Variants in ADK observed in about 807,000 individuals in gnomAD.
The protein encoded by ADK is adenosine kinase.
A neutral mutation model predicts 44.7 loss-of-function variants in ADK; 24 were observed. The ratio of observed to expected loss-of-function variants is 0.54; its 90% confidence interval spans 0.39 to 0.76. The LOEUF (loss-of-function observed/expected upper bound fraction) is 0.76. Among genes scored for constraint, ADK ranks in the 30% least tolerant of loss-of-function variants. The pLI is 0.00. For synonymous variants in ADK, 128 were observed against 142.6 expected (o/e 0.90, Z 0.73); for missense variants, 321 against 425.1 (o/e 0.76, Z 2.15).
intron 7 of ADK, among the ~76,000 whole-genome samples, chr10:74,550,528 C>T (rs912557781): frequency 2.0e-5 from 3 of 152,118 alleles, no homozygotes; most frequent in African/African-American, 7.2e-5. Flanking sequence ...CTGGTTTTGC[C>T]TCTCCCCTCC....
chr10:74,539,174 A>G (rs1387188760), intron 7 of ADK, among the ~76,000 whole-genome samples: 2 of 151,458 alleles, frequency 1.3e-5, no homozygotes, highest in Non-Finnish European at 2.9e-5. Context: ...AATTTTGTCA[A>G]GTCTAGTTCT....
At chr10:74,319,898 C>T (rs770482602) in intron 4 of ADK, among the ~76,000 whole-genome samples, 2 of 152,126 alleles carry the variant, frequency 1.3e-5, no homozygotes, top group Non-Finnish European at 2.9e-5. Context: ...TTATTACGCT[C>T]ATTGATTACG....
At chr10:74,565,301 C>A (rs1468833374) in intron 7 of ADK, among the ~76,000 whole-genome samples, 1 of 152,116 alleles carries the variant, frequency 6.6e-6, no homozygotes, top group Non-Finnish European at 1.5e-5. Context: ...TTTTTTAGTT[C>A]ATGAAACAAT....
intron 3 of ADK, among the ~76,000 whole-genome samples, chr10:74,265,614 ACAAT>A (rs1372407001): frequency 2.4e-5 from 2 of 85,034 alleles, no homozygotes; most frequent in African/African-American, 6.4e-5. Context: ...AGAGTGAAAA[ACAAT>A]CACTTTATCA....
At chr10:74,655,506 G>C in intron 9 of ADK, 1 of 491,994 alleles carries the variant, frequency 2.0e-6, no homozygotes, top group Admixed American at 2.4e-5. Context: ...GCTCACTCAG[G>C]GTGGCTTTTT....
At chr10:74,250,214 A>G (rs949593411) in intron 3 of ADK, among the ~76,000 whole-genome samples, 2 of 152,252 alleles carry the variant, frequency 1.3e-5, no homozygotes, top group Non-Finnish European at 2.9e-5. Flanking sequence ...ATAATTACAA[A>G]TAATATTCTG....
At chr10:74,488,630 A>ATATTTCTCCTC in intron 6 of ADK, among the ~76,000 whole-genome samples, 1 of 150,136 alleles carries the variant, frequency 6.7e-6, no homozygotes, top group Middle Eastern at 3.4e-3. Flanking sequence ...AGATAGCAGG[A>ATATTTCTCCTC]TTAAAGAAAA....
chr10:74,209,050 T>C (rs989140623), intron 2 of ADK, among the ~76,000 whole-genome samples: 1 of 152,202 alleles, frequency 6.6e-6, no homozygotes, highest in Admixed American at 6.5e-5. Context: ...ATAAGTGGTA[T>C]ATTGCTATGG....
intron 3 of ADK, among the ~76,000 whole-genome samples, chr10:74,311,370 T>C (rs1840427348): frequency 6.6e-6 from 1 of 152,214 alleles, no homozygotes; most frequent in South Asian, 2.1e-4. Context: ...AACGCTTATT[T>C]GAAGACTTCT....
chr10:74,207,211 T>C (rs898139894), intron 2 of ADK, among the ~76,000 whole-genome samples: 25 of 152,106 alleles, frequency 1.6e-4, no homozygotes, highest in African/African-American at 5.8e-4. Flanking sequence ...GAGGATAATA[T>C]GGTGGTGCCC....
intron 3 of ADK, among the ~76,000 whole-genome samples, chr10:74,253,915 C>G (rs1845736126): frequency 6.6e-6 from 1 of 151,796 alleles, no homozygotes; most frequent in Non-Finnish European, 1.5e-5. Flanking sequence ...TACAGGCACG[C>G]ACCATCATGC....
chr10:74,548,413 A>G (rs1253369016), intron 7 of ADK, among the ~76,000 whole-genome samples: 1 of 152,244 alleles, frequency 6.6e-6, no homozygotes, highest in African/African-American at 2.4e-5. Flanking sequence ...GAAAATTGCC[A>G]GATAAAGAGG....
intron 9 of ADK, among the ~76,000 whole-genome samples, chr10:74,630,918 C>CTTAT (rs35717142): frequency 0.23 from 34,259 of 151,620 alleles, 4,948 homozygotes; most frequent in African/African-American, 0.41. Context: ...TATTAATTTA[C>CTTAT]TTATGTCATA....
At chr10:74,620,074 G>C (rs1852930084) in intron 9 of ADK, among the ~76,000 whole-genome samples, 1 of 152,080 alleles carries the variant, frequency 6.6e-6, no homozygotes, top group South Asian at 2.1e-4. Flanking sequence ...AGAGCAATTA[G>C]CATATCCATC....
intron 6 of ADK, among the ~76,000 whole-genome samples, chr10:74,470,832 G>A (rs1846558264): frequency 1.3e-5 from 2 of 151,674 alleles, no homozygotes; most frequent in South Asian, 4.2e-4. Context: ...CATGCTTTTG[G>A]TGTCTTATCT....
chr10:74,315,316 G>T (rs1391611837), intron 4 of ADK, among the ~76,000 whole-genome samples: 1 of 151,986 alleles, frequency 6.6e-6, no homozygotes, highest in Non-Finnish European at 1.5e-5. Flanking sequence ...TCTATGTATA[G>T]ACATATATGT....
At chr10:74,461,435 G>T (rs939554879) in intron 6 of ADK, among the ~76,000 whole-genome samples, 5 of 151,978 alleles carry the variant, frequency 3.3e-5, no homozygotes, top group African/African-American at 1.2e-4. Flanking sequence ...TCAATTAATT[G>T]TTTCATTCTG....
intron 6 of ADK, among the ~76,000 whole-genome samples, chr10:74,521,045 G>GA (rs961921438): frequency 2.6e-5 from 4 of 151,788 alleles, no homozygotes; most frequent in Non-Finnish European, 5.9e-5. Context: ...CTTACATGTA[G>GA]AAAAAAAATT....
At chr10:74,179,332 ATAGGGTCTGGGTAAAATAAGGC>A (rs2132076558) in intron 1 of ADK, among the ~76,000 whole-genome samples, 1 of 152,318 alleles carries the variant, frequency 6.6e-6, no homozygotes, top group South Asian at 2.1e-4. Context: ...TCCATCTTGA[ATAGGGTCTGGGTAAAATAAGGC>A]TGAGACCTAC....
Sources: allele counts gnomAD v4.1 joint callset (sites outside exome capture counted in the v4.1 genomes callset), GRCh38; gene constraint gnomAD v4.1.1; transcripts MANE v1.5; gene names NCBI Gene and HGNC (gene_info 2026-07-23, HGNC 2026-07-21).